STMN2: variants seen among roughly 807,000 people sequenced by gnomAD.
STMN2 encodes the protein stathmin 2, also known as stathmin-2.
In STMN2, 2 loss-of-function variants were observed where a neutral mutation model predicts 24.1. The ratio of observed to expected loss-of-function variants is 0.08; its 90% CI spans 0.03 to 0.26. The LOEUF (loss-of-function observed/expected upper bound fraction) is 0.26, where lower values mean the gene tolerates loss of function less well. Ranked by LOEUF, STMN2 falls within the 10% of genes least tolerant of loss-of-function variation. STMN2 has a pLI of 1.00. For synonymous variants in STMN2, 83 were observed against 77.5 expected (o/e 1.07, Z -0.37); for missense variants, 114 against 213.6 (o/e 0.53, Z 2.91).
intron 3 of STMN2, among the ~76,000 whole-genome samples, chr8:79,643,226 G>T (rs563390934): frequency 7.3e-6 from 1 of 136,476 alleles, no homozygotes; most frequent in South Asian, 2.2e-4. Flanking sequence ...CTACTAACTC[G>T]ACTATATATA....
At chr8:79,651,782 G>C (rs1375271856) in intron 3 of STMN2, among the ~76,000 whole-genome samples, 1 of 152,186 alleles carries the variant, frequency 6.6e-6, no homozygotes. Context: ...GCAGGCACAA[G>C]GCCCCTGGCC....
At chr8:79,611,772 C>CTGGGG in intron 1 of STMN2, 1 of 975,652 alleles carries the variant, frequency 1.0e-6, no homozygotes, top group Non-Finnish European at 1.2e-6. Flanking sequence ...ACCGCTAGTC[C>CTGGGG]TGGGGTGCGG....
intron 4 of STMN2, among the ~76,000 whole-genome samples, chr8:79,663,120 T>G (rs2130402960): frequency 6.6e-6 from 1 of 152,268 alleles, no homozygotes; most frequent in South Asian, 2.1e-4. Flanking sequence ...TTCTCTAGAG[T>G]CAACTTCCTG....
At chr8:79,654,331 A>G in intron 3 of STMN2, among the ~76,000 whole-genome samples, 1 of 149,102 alleles carries the variant, frequency 6.7e-6, no homozygotes, top group African/African-American at 2.5e-5. Flanking sequence ...ATCTCCAAAG[A>G]GACTTTGGTG....
chr8:79,632,740 C>T (rs1809837900), intron 1 of STMN2, among the ~76,000 whole-genome samples: 1 of 152,178 alleles, frequency 6.6e-6, no homozygotes, highest in African/African-American at 2.4e-5. Flanking sequence ...TTCTTTTACA[C>T]ACAGCATTAG....
intron 1 of STMN2, among the ~76,000 whole-genome samples, chr8:79,612,365 T>G (rs1358989930): frequency 1.3e-5 from 2 of 152,222 alleles, no homozygotes; most frequent in Non-Finnish European, 2.9e-5. Context: ...TTGAAGACCT[T>G]TGATCGTTTG....
At chr8:79,634,969 A>G (rs1355992633) in intron 1 of STMN2, among the ~76,000 whole-genome samples, 1 of 152,172 alleles carries the variant, frequency 6.6e-6, no homozygotes, top group African/African-American at 2.4e-5. Context: ...ATCTGTTTAT[A>G]CTTTCTCACA....
At chr8:79,659,380 G>A (rs1806448950) in intron 4 of STMN2, among the ~76,000 whole-genome samples, 1 of 152,090 alleles carries the variant, frequency 6.6e-6, no homozygotes. Flanking sequence ...GGGAGGAGAG[G>A]GGAAGAGAGG....
intron 2 of STMN2, among the ~76,000 whole-genome samples, chr8:79,639,153 C>T (rs943710584): frequency 8.5e-5 from 13 of 152,104 alleles, no homozygotes; most frequent in African/African-American, 3.1e-4. Flanking sequence ...GCTAAAAGAA[C>T]ATTAACGGGA....
intron 3 of STMN2, among the ~76,000 whole-genome samples, chr8:79,651,324 A>G (rs1294928944): frequency 1.3e-5 from 2 of 152,200 alleles, no homozygotes; most frequent in Non-Finnish European, 2.9e-5. Context: ...ATGCTGTGTA[A>G]TCTCATTTAG....
At chr8:79,631,746 C>G (rs996465944) in intron 1 of STMN2, among the ~76,000 whole-genome samples, 5 of 152,250 alleles carry the variant, frequency 3.3e-5, no homozygotes, top group South Asian at 2.1e-4. Flanking sequence ...GATTACATAT[C>G]TGACTTTTAA....
intron 1 of STMN2, among the ~76,000 whole-genome samples, chr8:79,629,589 T>C (rs1809750380): frequency 6.6e-6 from 1 of 152,238 alleles, no homozygotes; most frequent in South Asian, 2.1e-4. Flanking sequence ...AAAATTTCGT[T>C]GAAGGACACT....
intron 3 of STMN2, among the ~76,000 whole-genome samples, chr8:79,653,452 C>T (rs1283079273): frequency 6.6e-6 from 1 of 152,148 alleles, no homozygotes; most frequent in African/African-American, 2.4e-5. Flanking sequence ...GGCTGGTTCC[C>T]AGGATTTTCT....
Position 79,657,417 on chromosome 8 carries a change from A to G in STMN2, c.480+2355A>G, listed in dbSNP as rs563318183. ...ACACCACTTTTCCTGCAAATAATCA[A>G]CCCAAAGAGTGCTTAAAATTCCTGA... is the stretch of plus-strand genomic sequence containing the variant. On this transcript the variant is annotated intron_variant, in intron 4 of 4. Transcript: ENST00000220876. Among the ~76,000 whole-genome samples, 12 of 152,178 alleles carry G rather than the reference A, an allele frequency of 7.9e-5. No individual in the cohort carries two copies. The South Asian group carries it at 2.5e-3, about 32-fold the overall frequency.
intron 3 of STMN2, among the ~76,000 whole-genome samples, chr8:79,643,584 C>G (rs1319571823): frequency 1.3e-5 from 2 of 151,988 alleles, no homozygotes; most frequent in Non-Finnish European, 2.9e-5. Context: ...GCTGGTGTTT[C>G]TAGGTACTAC....
chr8:79,630,236 T>G (rs2130330861), intron 1 of STMN2, among the ~76,000 whole-genome samples: 1 of 152,328 alleles, frequency 6.6e-6, no homozygotes, highest in South Asian at 2.1e-4. Flanking sequence ...AAAAGTCAAC[T>G]GGCCCATGAA....
At chr8:79,650,554 T>C (rs568582626) in intron 3 of STMN2, among the ~76,000 whole-genome samples, 15 of 152,192 alleles carry the variant, frequency 9.9e-5, no homozygotes, top group Non-Finnish European at 1.0e-4. Context: ...TAGAGCCAAT[T>C]TTTTTCCTTG....
At chr8:79,615,423 T>C (rs1348582033) in intron 1 of STMN2, among the ~76,000 whole-genome samples, 1 of 152,208 alleles carries the variant, frequency 6.6e-6, no homozygotes, top group Non-Finnish European at 1.5e-5. Context: ...GTTTCTTTTT[T>C]GGTCGTGGGA....
rs1809210134 is a variant in STMN2, at chr8:79,611,174, T to G, written c.-22T>G. 6.2e-7 allele frequency: 1 copy of G among 1,614,066 alleles called. No individual in the cohort carries two copies. Among genetic ancestry groups the G allele is most frequent in the South Asian group, 1.1e-5 (1 of 91,068 alleles). The stretch of plus-strand genomic sequence containing the variant: ...CCGGACCCTTTGCCTTCGCCACTGC[T>G]CAGCGTCTGCACATCCCTACAATGG... On this transcript the variant is annotated 5_prime_UTR_variant, in exon 1 of 5. Transcript: ENST00000220876.
Sources: allele counts gnomAD v4.1 joint callset (sites outside exome capture counted in the v4.1 genomes callset), GRCh38; gene constraint gnomAD v4.1.1; transcripts MANE v1.5; gene names NCBI Gene and HGNC (gene_info 2026-07-23, HGNC 2026-07-21).